Variants in TENM2 observed in about 807,000 individuals in gnomAD.
TENM2 encodes teneurin transmembrane protein 2, also known as teneurin-2.
TENM2 carries 52 observed loss-of-function variants against 245.2 expected under a neutral mutation model. The observed-to-expected ratio is 0.21, with a 90% CI of 0.17 to 0.27. TENM2 has a LOEUF of 0.27. Ranked by LOEUF, TENM2 falls within the 10% of genes least tolerant of loss-of-function variation. TENM2 has a pLI of 1.00. For missense variants in TENM2, 3,046 were observed against 3,666.8 expected (o/e 0.83, Z 4.37); for synonymous variants, 1,363 against 1,438.9 (o/e 0.95, Z 1.19).
the TENM2 span, among the ~76,000 whole-genome samples, chr5:167,158,587 T>C: frequency 1.3e-5 from 2 of 152,204 alleles, no homozygotes; most frequent in Admixed American, 6.5e-5. Flanking sequence ...TGGTGCAGTC[T>C]GGTAAGGACC....
intron 1 of TENM2, among the ~76,000 whole-genome samples, chr5:167,336,343 G>T (rs1368139996): frequency 6.6e-6 from 1 of 151,530 alleles, no homozygotes; most frequent in Non-Finnish European, 1.5e-5. Context: ...TACCAAGCTG[G>T]GGCAGCCATA....
intron 2 of TENM2, among the ~76,000 whole-genome samples, chr5:167,648,835 C>A (rs188200398): frequency 7.9e-5 from 12 of 152,270 alleles, no homozygotes; most frequent in Admixed American, 2.0e-4. Flanking sequence ...GCTCTGTTCT[C>A]AAAATGCCTG....
intron 2 of TENM2, among the ~76,000 whole-genome samples, chr5:167,733,915 G>T (rs1173727911): frequency 2.0e-5 from 3 of 152,124 alleles, no homozygotes; most frequent in Non-Finnish European, 4.4e-5. Flanking sequence ...TCTCCACATT[G>T]CGTATGAGGA....
intron 2 of TENM2, among the ~76,000 whole-genome samples, chr5:167,744,751 T>C (rs1214965422): frequency 6.6e-6 from 1 of 152,034 alleles, no homozygotes; most frequent in Non-Finnish European, 1.5e-5. Flanking sequence ...AAATGGCAGG[T>C]TTTAATTGAT....
chr5:167,704,826 T>G (rs1758396241), intron 2 of TENM2, among the ~76,000 whole-genome samples: 1 of 150,962 alleles, frequency 6.6e-6, no homozygotes. Context: ...GAAAGAAATA[T>G]GATGTCTTCG....
intron 7 of TENM2, among the ~76,000 whole-genome samples, chr5:168,075,923 A>G (rs574185318): frequency 6.6e-4 from 100 of 152,262 alleles, no homozygotes; most frequent in African/African-American, 2.3e-3. Flanking sequence ...CCTATTCACT[A>G]TCATGAGAAC....
chr5:167,718,550 C>T (rs535734753), intron 2 of TENM2, among the ~76,000 whole-genome samples: 26 of 152,288 alleles, frequency 1.7e-4, no homozygotes, highest in African/African-American at 6.3e-4. Context: ...TCCTACAGAA[C>T]CCTCTGGGAC....
intron 13 of TENM2, chr5:168,186,959 T>G (rs530093981): frequency 6.6e-6 from 1 of 152,288 alleles, no homozygotes; most frequent in African/African-American, 2.4e-5. Flanking sequence ...AGTGCCAATT[T>G]AAAGTTCACA....
chr5:168,032,030 G>T (rs1229284135), intron 5 of TENM2, among the ~76,000 whole-genome samples: 1 of 152,020 alleles, frequency 6.6e-6, no homozygotes, highest in Non-Finnish European at 1.5e-5. Flanking sequence ...TCTTTTTTCT[G>T]CCACTTTCAG....
At chr5:167,428,772 C>T (rs1001469841) in intron 2 of TENM2, among the ~76,000 whole-genome samples, 1 of 152,084 alleles carries the variant, frequency 6.6e-6, no homozygotes, top group East Asian at 1.9e-4. Flanking sequence ...TGATATCCAC[C>T]TTCAATAATT....
chr5:167,232,552 T>G, the TENM2 span, among the ~76,000 whole-genome samples: 1 of 152,190 alleles, frequency 6.6e-6, no homozygotes, highest in Non-Finnish European at 1.5e-5. Flanking sequence ...TTTGTATTTT[T>G]AGTAGAGACA....
chr5:167,579,562 C>A (rs996459654), intron 2 of TENM2, among the ~76,000 whole-genome samples: 1 of 152,212 alleles, frequency 6.6e-6, no homozygotes, highest in East Asian at 1.9e-4. Flanking sequence ...CGTAGCCAAG[C>A]GTTGTCCTGA....
chr5:167,621,917 G>T (rs991431209), intron 2 of TENM2, among the ~76,000 whole-genome samples: 3 of 152,090 alleles, frequency 2.0e-5, no homozygotes, highest in African/African-American at 7.2e-5. Flanking sequence ...GGAAATTTGA[G>T]ACTTGGCCTC....
intron 13 of TENM2, among the ~76,000 whole-genome samples, chr5:168,179,012 G>A (rs1759610507): frequency 6.6e-6 from 1 of 151,940 alleles, no homozygotes; most frequent in Admixed American, 6.6e-5. Context: ...AAGGGTGCCT[G>A]TAATCCCAGC....
At chr5:168,155,615 A>C (rs1009763969) in intron 12 of TENM2, among the ~76,000 whole-genome samples, 2 of 152,138 alleles carry the variant, frequency 1.3e-5, no homozygotes, top group Admixed American at 6.5e-5. Context: ...GCTGTGACAC[A>C]ATCACACACG....
chr5:167,375,349 A>G, exon 2 of TENM2: 2 of 1,551,694 alleles, frequency 1.3e-6, no homozygotes, highest in South Asian at 1.2e-5. Flanking sequence ...TGTCTCCAGA[A>G]CACGCCATCA....
chr5:168,012,647 C>CA (rs796799012), intron 5 of TENM2, among the ~76,000 whole-genome samples: 3,493 of 76,674 alleles, frequency 0.046, 138 homozygotes, highest in Admixed American at 0.15. Context: ...GACTCTGTCT[C>CA]AAAAAAAAAA....
At chr5:167,395,570 G>A (rs751993718) in intron 2 of TENM2, among the ~76,000 whole-genome samples, 2 of 152,068 alleles carry the variant, frequency 1.3e-5, no homozygotes, top group East Asian at 1.9e-4. Context: ...TATCCTTGTC[G>A]TGTCCTTGAT....
At chr5:167,634,411 A>C (rs930278152) in intron 2 of TENM2, among the ~76,000 whole-genome samples, 2 of 152,032 alleles carry the variant, frequency 1.3e-5, no homozygotes, top group Non-Finnish European at 2.9e-5. Context: ...GCAGTTATTT[A>C]CGTTAGTATT....
Sources: gnomAD v4.1 joint callset for allele counts (sites outside exome capture counted in the v4.1 genomes callset) on GRCh38, gnomAD v4.1.1 for gene constraint, MANE v1.5 for transcripts, NCBI Gene and HGNC (gene_info 2026-07-23, HGNC 2026-07-21) for gene names.